The following SNTG1 variants were observed in gnomAD, a reference collection of about 807,000 sequenced individuals.
SNTG1 encodes syntrophin gamma 1.
A neutral mutation model predicts 74.7 loss-of-function variants in SNTG1; 39 were observed. The observed-to-expected ratio is 0.52, with a 90% CI of 0.40 to 0.68. SNTG1 has a LOEUF of 0.68. Ranked by LOEUF, SNTG1 falls within the 30% of genes least tolerant of loss-of-function variation. The pLI is 0.00. For synonymous variants in SNTG1, 254 were observed against 217.1 expected (o/e 1.17, Z -1.49); for missense variants, 685 against 609.5 (o/e 1.12, Z -1.30).
At chr8:50,224,223 A>G (rs540654633) in intron 2 of SNTG1, among the ~76,000 whole-genome samples, 13 of 152,354 alleles carry the variant, frequency 8.5e-5, no homozygotes, top group African/African-American at 2.9e-4. Context: ...TACTATGCTA[A>G]AGATATAAAT....
chr8:50,436,160 T>C (rs1399191257), intron 4 of SNTG1, among the ~76,000 whole-genome samples: 1 of 152,202 alleles, frequency 6.6e-6, no homozygotes, highest in East Asian at 1.9e-4. Flanking sequence ...ACAACTGATA[T>C]GGGTTGTCTG....
At chr8:50,168,521 C>T (rs2082701033) in intron 1 of SNTG1, among the ~76,000 whole-genome samples, 1 of 151,944 alleles carries the variant, frequency 6.6e-6, no homozygotes, top group Non-Finnish European at 1.5e-5. Flanking sequence ...TTGACAAAGA[C>T]AAAACCTTAA....
At chr8:50,281,859 G>T (rs1030071460) in intron 2 of SNTG1, among the ~76,000 whole-genome samples, 2 of 152,174 alleles carry the variant, frequency 1.3e-5, no homozygotes, top group African/African-American at 2.4e-5. Flanking sequence ...AGTCCACTTT[G>T]CTGGAACTTA....
At chr8:50,359,786 T>G (rs2091911243) in intron 2 of SNTG1, among the ~76,000 whole-genome samples, 1 of 152,216 alleles carries the variant, frequency 6.6e-6, no homozygotes, top group Non-Finnish European at 1.5e-5. Context: ...AGATTAATAC[T>G]ATTTCAAAGT....
intron 2 of SNTG1, among the ~76,000 whole-genome samples, chr8:50,279,061 A>G (rs1477808707): frequency 6.6e-6 from 1 of 152,172 alleles, no homozygotes; most frequent in African/African-American, 2.4e-5. Context: ...ATATTTTCTC[A>G]CATCTATTCT....
chr8:50,428,403 C>T (rs1397329942), intron 4 of SNTG1, among the ~76,000 whole-genome samples: 1 of 152,162 alleles, frequency 6.6e-6, no homozygotes, highest in African/African-American at 2.4e-5. Flanking sequence ...GAGAATTCAC[C>T]ACTAACTGAC....
intron 12 of SNTG1, among the ~76,000 whole-genome samples, chr8:50,576,743 A>G (rs2094578878): frequency 6.6e-6 from 1 of 151,948 alleles, no homozygotes; most frequent in Non-Finnish European, 1.5e-5. Flanking sequence ...AAAAATTTTA[A>G]GTTTTCTTTT....
intron 2 of SNTG1, among the ~76,000 whole-genome samples, chr8:50,309,524 C>T (rs568188956): frequency 5.3e-5 from 8 of 152,226 alleles, no homozygotes; most frequent in African/African-American, 1.9e-4. Context: ...CATACTTCAA[C>T]GAGATGAGTG....
intron 18 of SNTG1, among the ~76,000 whole-genome samples, chr8:50,760,434 C>T (rs920481398): frequency 6.6e-6 from 1 of 151,936 alleles, no homozygotes; most frequent in Admixed American, 6.6e-5. Context: ...AAAGGAAATG[C>T]TTCTAGGTTT....
At chr8:50,692,725 C>G (rs534624537) in intron 15 of SNTG1, among the ~76,000 whole-genome samples, 1 of 152,154 alleles carries the variant, frequency 6.6e-6, no homozygotes, top group Non-Finnish European at 1.5e-5. Flanking sequence ...GCAGTCTGCC[C>G]GTTCTCAGAT....
chr8:50,199,944 G>T (rs146835722), intron 2 of SNTG1, among the ~76,000 whole-genome samples: 22 of 152,256 alleles, frequency 1.4e-4, no homozygotes, highest in African/African-American at 5.3e-4. Flanking sequence ...GCATTTGGGC[G>T]CTAATAGGAT....
At chr8:50,792,575 G>A (rs2095694130) in intron 18 of SNTG1, 96 bp from the exon 19 acceptor site, 3 of 1,221,892 alleles carry the variant, frequency 2.5e-6, no homozygotes, top group South Asian at 3.2e-5. Flanking sequence ...ATAGATTCTA[G>A]ATAAGTGTAT....
chr8:50,150,706 G>C (rs760860485), intron 1 of SNTG1, among the ~76,000 whole-genome samples: 2 of 152,134 alleles, frequency 1.3e-5, no homozygotes, highest in Admixed American at 6.6e-5. Context: ...TTATTGATTT[G>C]TGTATGTTGA....
chr8:50,198,784 T>C (rs902040085), intron 2 of SNTG1, among the ~76,000 whole-genome samples: 2 of 152,152 alleles, frequency 1.3e-5, no homozygotes, highest in African/African-American at 4.8e-5. Context: ...TACCAGCCAA[T>C]ACACTATGAT....
chr8:50,587,748 C>A (rs1223308942), intron 12 of SNTG1, among the ~76,000 whole-genome samples: 1 of 151,612 alleles, frequency 6.6e-6, no homozygotes, highest in African/African-American at 2.4e-5. Context: ...TCGCTTGAAC[C>A]CGGGAGGCGG....
chr8:50,028,567 C>T (rs995639145), intron 1 of SNTG1, among the ~76,000 whole-genome samples: 8 of 149,972 alleles, frequency 5.3e-5, no homozygotes, highest in African/African-American at 9.8e-5. Context: ...CGTTTTACTC[C>T]TCTACCAACA....
At position 50,345,766 on chromosome 8, in the gene SNTG1, T is replaced by C. The variant is rs191586956; in HGVS notation, c.-27-48446T>C. Among the ~76,000 whole-genome samples the C allele has an allele frequency of 3.5e-4, 54 of 152,362 alleles. No homozygotes were observed. In the East Asian group the frequency reaches 0.01, roughly 28 times the overall value. ...TTCAGTGTTACATTGTGATATTCTT[T>C]TATCTATAAAAGTCTAAAATTCAAA... On this transcript the variant is annotated intron_variant, in intron 2 of 18. Transcript: ENST00000642720.
intron 8 of SNTG1, among the ~76,000 whole-genome samples, chr8:50,499,235 C>T (rs1264332171): frequency 6.6e-6 from 1 of 151,704 alleles, no homozygotes; most frequent in Non-Finnish European, 1.5e-5. Context: ...TTACTCATAG[C>T]AATGTTTTGT....
At chr8:50,418,573 C>T (rs187593799) in intron 4 of SNTG1, among the ~76,000 whole-genome samples, 85 of 152,110 alleles carry the variant, frequency 5.6e-4, no homozygotes, top group African/African-American at 2.0e-3. Flanking sequence ...TATATCTTAC[C>T]CTGTCCTGTT....
Sources: allele counts gnomAD v4.1 joint callset (sites outside exome capture counted in the v4.1 genomes callset), GRCh38; gene constraint gnomAD v4.1.1; transcripts MANE v1.5; gene names NCBI Gene and HGNC (gene_info 2026-07-23, HGNC 2026-07-21).